NXPE1: variants seen among roughly 807,000 people sequenced by gnomAD.
The protein encoded by NXPE1 is neurexophilin and PC-esterase domain family member 1.
NXPE1 carries 31 observed loss-of-function variants against 33.3 expected under a neutral mutation model. The observed-to-expected ratio is 0.93, with a 90% CI of 0.70 to 1.26. The LOEUF is 1.26. Ranked by LOEUF, NXPE1 falls within the 50% of genes most tolerant of loss-of-function variation. The pLI, the probability that NXPE1 is intolerant of heterozygous loss-of-function variation, is 0.00. For missense variants in NXPE1, 661 were observed against 655.6 expected (o/e 1.01, Z -0.09); for synonymous variants, 229 against 231.4 (o/e 0.99, Z 0.09).
At chr11:114,547,658 C>T (rs1242599529) in intron 5 of NXPE1, among the ~76,000 whole-genome samples, 1 of 152,082 alleles carries the variant, frequency 6.6e-6, no homozygotes, top group Non-Finnish European at 1.5e-5. Flanking sequence ...TCACTTGAAC[C>T]TAGGAGGCAG....
chr11:114,555,426 C>G (rs538247620), intron 1 of NXPE1, among the ~76,000 whole-genome samples: 1 of 152,116 alleles, frequency 6.6e-6, no homozygotes. Flanking sequence ...AGAGTCTCAC[C>G]ATGTTGGCCA....
intron 1 of NXPE1, among the ~76,000 whole-genome samples, chr11:114,557,228 CT>C (rs1948673015): frequency 6.6e-6 from 1 of 152,070 alleles, no homozygotes; most frequent in South Asian, 2.1e-4. Flanking sequence ...GTCAAAAACT[CT>C]AAAATTATTC....
chr11:114,534,103 C>G (rs770141280), intron 5 of NXPE1, among the ~76,000 whole-genome samples: 13 of 152,322 alleles, frequency 8.5e-5, no homozygotes, highest in South Asian at 2.1e-4. Context: ...GAGGAACGAT[C>G]AGGCAGCAGC....
chr11:114,555,520 C>T lies in NXPE1; in HGVS notation c.-210-2640G>A, dbSNP rs374224584. Among the ~76,000 whole-genome samples the T allele has an allele frequency of 3.1e-4, 47 of 152,292 alleles. 1 individual carries two copies. Among genetic ancestry groups the T allele is most frequent in the African/African-American group, 8.7e-4 (36 of 41,572 alleles). Reference sequence around the variant, plus strand: ...GATTACAGGCGTGAGCCACCACGCCCAGCCAAGAATACATGCATTTTAAGT... The same window carrying T: ...GATTACAGGCGTGAGCCACCACGCCTAGCCAAGAATACATGCATTTTAAGT... On this transcript the variant is annotated intron_variant, in intron 1 of 8. Transcript: ENST00000534921.
At chr11:114,545,845 C>T (rs536650400) in intron 5 of NXPE1, among the ~76,000 whole-genome samples, 7 of 152,108 alleles carry the variant, frequency 4.6e-5, no homozygotes, top group South Asian at 2.1e-4. Flanking sequence ...CACACCACCA[C>T]GCCCAGCTAA....
At chr11:114,538,317 A>G (rs983949961) in intron 5 of NXPE1, among the ~76,000 whole-genome samples, 1 of 152,248 alleles carries the variant, frequency 6.6e-6, no homozygotes, top group Admixed American at 6.5e-5. Context: ...ACCTAAAACC[A>G]TAAAAACCCT....
chr11:114,519,690 T>G (rs1453119964), downstream of NXPE1, among the ~76,000 whole-genome samples: 1 of 152,062 alleles, frequency 6.6e-6, no homozygotes, highest in Non-Finnish European at 1.5e-5. Flanking sequence ...TGTAGAGTGG[T>G]GCAGAGGCTT....
At chr11:114,533,509 A>T (rs1262222549) in intron 5 of NXPE1, among the ~76,000 whole-genome samples, 3 of 152,240 alleles carry the variant, frequency 2.0e-5, no homozygotes, top group African/African-American at 7.2e-5. Flanking sequence ...CGGGAAGCAC[A>T]AGCGGTCAGG....
intron 1 of NXPE1, among the ~76,000 whole-genome samples, chr11:114,554,820 G>T (rs1473543721): frequency 6.6e-6 from 1 of 152,204 alleles, no homozygotes; most frequent in East Asian, 1.9e-4. Flanking sequence ...GAAAATAAAG[G>T]TGTTATTTTT....
intron 1 of NXPE1, among the ~76,000 whole-genome samples, chr11:114,556,298 C>T (rs1323681976): frequency 6.6e-6 from 1 of 152,210 alleles, no homozygotes; most frequent in African/African-American, 2.4e-5. Flanking sequence ...CCTACAAACT[C>T]TGTTTCCTCC....
intron 1 of NXPE1, among the ~76,000 whole-genome samples, chr11:114,554,975 G>A (rs1331720402): frequency 1.3e-5 from 2 of 151,968 alleles, no homozygotes; most frequent in African/African-American, 4.8e-5. Flanking sequence ...ACCCTAACTA[G>A]ATAGTTACAT....
chr11:114,542,593 G>A (rs546096238), intron 5 of NXPE1, among the ~76,000 whole-genome samples: 3 of 152,232 alleles, frequency 2.0e-5, no homozygotes, highest in African/African-American at 7.2e-5. Flanking sequence ...ATGAAAAGCA[G>A]AATTAGCTTG....
At chr11:114,533,405 G>A (rs1047095226) in intron 5 of NXPE1, among the ~76,000 whole-genome samples, 8 of 152,178 alleles carry the variant, frequency 5.3e-5, no homozygotes, top group Non-Finnish European at 1.2e-4. Flanking sequence ...TGAGGTACTT[G>A]GTTCATCTCA....
At chr11:114,519,676 A>G (rs1422431026), downstream of NXPE1, among the ~76,000 whole-genome samples, 1 of 152,152 alleles carries the variant, frequency 6.6e-6, no homozygotes, top group Non-Finnish European at 1.5e-5. Context: ...CAGAAGGAGC[A>G]GCGTGTAGAG....
chr11:114,519,882 T>A (rs1282493519), downstream of NXPE1, among the ~76,000 whole-genome samples: 1 of 151,964 alleles, frequency 6.6e-6, no homozygotes, highest in Non-Finnish European at 1.5e-5. Context: ...CACTGCACAA[T>A]TACCTTTTGT....
chr11:114,529,454 C>T (rs1947494893), intron 6 of NXPE1: 2 of 152,116 alleles, frequency 1.3e-5, no homozygotes, highest in South Asian at 2.1e-4. Context: ...ACAGGGAAAC[C>T]AGGAAGTGAG....
chr11:114,559,840 C>T (rs1448841970), exon 1 of NXPE1: 2 of 152,302 alleles, frequency 1.3e-5, no homozygotes, highest in Admixed American at 1.3e-4. Context: ...GGAAAAGTAC[C>T]TGTGAGTTCT....
At chr11:114,557,674 A>ATAT (rs1565320805) in intron 1 of NXPE1, among the ~76,000 whole-genome samples, 6 of 129,364 alleles carry the variant, frequency 4.6e-5, no homozygotes, top group African/African-American at 8.4e-5. Context: ...TATATATATA[A>ATAT]AATCCTTGTT....
chr11:114,538,875 G>A (rs531350969), intron 5 of NXPE1, among the ~76,000 whole-genome samples: 54 of 152,082 alleles, frequency 3.6e-4, no homozygotes, highest in Middle Eastern at 6.8e-3. Context: ...AGTCAGTGTG[G>A]TGATTCCTCA....
Sources: allele counts gnomAD v4.1 joint callset (sites outside exome capture counted in the v4.1 genomes callset), GRCh38; gene constraint gnomAD v4.1.1; transcripts MANE v1.5; gene names NCBI Gene and HGNC (gene_info 2026-07-23, HGNC 2026-07-21).